Variants in CADPS2 observed in about 807,000 individuals in gnomAD.
The protein encoded by CADPS2 is calcium-dependent secretion activator 2.
A neutral mutation model predicts 172.5 loss-of-function variants in CADPS2; 93 were observed. The observed-to-expected ratio is 0.54, with a 90% CI of 0.46 to 0.64. The LOEUF is 0.64. Ranked by LOEUF, CADPS2 falls within the 30% of genes least tolerant of loss-of-function variation. The pLI, the probability that CADPS2 is intolerant of heterozygous loss-of-function variation, is 0.00. For missense variants in CADPS2, 1,420 were observed against 1,565.9 expected (o/e 0.91, Z 1.57); for synonymous variants, 546 against 555.2 (o/e 0.98, Z 0.23).
At chr7:122,705,123 T>G (rs2086785194) in intron 2 of CADPS2, among the ~76,000 whole-genome samples, 1 of 151,920 alleles carries the variant, frequency 6.6e-6, no homozygotes, top group Admixed American at 6.6e-5. Context: ...GCAACTTAAT[T>G]TCTCTAGTTT....
intron 3 of CADPS2, among the ~76,000 whole-genome samples, chr7:122,656,307 A>C (rs56326447): frequency 0.2 from 30,968 of 152,058 alleles, 3,920 homozygotes; most frequent in Middle Eastern, 0.3. Context: ...AATCTCCCAG[A>C]TCCTTCTCTC....
At chr7:122,473,389 T>C (rs1018829451) in intron 13 of CADPS2, among the ~76,000 whole-genome samples, 1 of 152,172 alleles carries the variant, frequency 6.6e-6, no homozygotes, top group Non-Finnish European at 1.5e-5. Context: ...GATTCAAGAA[T>C]TCATGAATTA....
intron 2 of CADPS2, among the ~76,000 whole-genome samples, chr7:122,683,385 C>A (rs1319825010): frequency 1.3e-5 from 2 of 152,096 alleles, no homozygotes; most frequent in Non-Finnish European, 2.9e-5. Flanking sequence ...GGTGGGAAAA[C>A]CAAGAAAAAC....
At chr7:122,740,658 C>G (rs952164047) in intron 1 of CADPS2, among the ~76,000 whole-genome samples, 3 of 151,868 alleles carry the variant, frequency 2.0e-5, no homozygotes, top group Admixed American at 6.6e-5. Flanking sequence ...ATTAAAAATA[C>G]TGAAATGTCA....
At chr7:122,361,051 A>G in intron 25 of CADPS2, 38 bp from the exon 26 acceptor site, 1 of 1,518,404 alleles carries the variant, frequency 6.6e-7, no homozygotes, top group Non-Finnish European at 9.1e-7. Context: ...GAATGTTACT[A>G]TGCATACAAA....
intron 2 of CADPS2, among the ~76,000 whole-genome samples, chr7:122,665,575 G>A (rs1297235408): frequency 6.6e-6 from 1 of 152,118 alleles, no homozygotes. Context: ...GCCTGCAGTT[G>A]GGCAAAATCA....
intron 14 of CADPS2, among the ~76,000 whole-genome samples, chr7:122,452,685 C>T (rs958496512): frequency 3.9e-5 from 6 of 152,124 alleles, no homozygotes; most frequent in Admixed American, 2.0e-4. Flanking sequence ...GGTGAGCCAC[C>T]GTGCCCAGCT....
chr7:122,700,676 A>G (rs2136244270), intron 2 of CADPS2, among the ~76,000 whole-genome samples: 1 of 152,308 alleles, frequency 6.6e-6, no homozygotes, highest in East Asian at 1.9e-4. Context: ...AGGCAATTGA[A>G]CAAAATTTTA....
At chr7:122,774,060 TAA>T (rs1259302244) in intron 1 of CADPS2, among the ~76,000 whole-genome samples, 1 of 152,018 alleles carries the variant, frequency 6.6e-6, no homozygotes, top group Non-Finnish European at 1.5e-5. Context: ...TCAGAGACAC[TAA>T]AGTCTTGCAA....
At chr7:122,482,781 G>A (rs1374561873) in intron 11 of CADPS2, among the ~76,000 whole-genome samples, 1 of 152,092 alleles carries the variant, frequency 6.6e-6, no homozygotes, top group African/African-American at 2.4e-5. Flanking sequence ...AAGGGTGATA[G>A]TAACTAGAGT....
chr7:122,820,616 G>A lies in CADPS2; in HGVS notation c.339+65383C>T, dbSNP rs1420203179. Among the ~76,000 whole-genome samples, 13 of 119,476 alleles carry A rather than the reference G, an allele frequency of 1.1e-4. 1 individual carries two copies. The highest frequency in any genetic ancestry group is 3.7e-4 in the African/African-American group (11 of 29,830). 78.4% of individuals were successfully genotyped at this position (119,476 alleles called of 152,430 possible). ...GCTCTGTCGCCCAGGCTGGAGTGCA[G>A]TGGCGCGATCTCGGCTCACTGCAAG... On this transcript the variant is annotated intron_variant, in intron 1 of 29. Transcript: ENST00000449022.
At chr7:122,876,213 G>C (rs1821166414) in intron 1 of CADPS2, among the ~76,000 whole-genome samples, 1 of 152,088 alleles carries the variant, frequency 6.6e-6, no homozygotes. Context: ...CCAGCTACTT[G>C]GGAGGCTGAG....
chr7:122,871,805 C>T (rs1392898219), intron 1 of CADPS2, among the ~76,000 whole-genome samples: 1 of 152,112 alleles, frequency 6.6e-6, no homozygotes, highest in Non-Finnish European at 1.5e-5. Context: ...GTTTCTGTGA[C>T]ATGGACCATC....
At chr7:122,341,100 A>C (rs1194196908) in intron 28 of CADPS2, among the ~76,000 whole-genome samples, 2 of 152,240 alleles carry the variant, frequency 1.3e-5, no homozygotes, top group Non-Finnish European at 2.9e-5. Context: ...GGTCAGCTGG[A>C]AACACTGAGT....
At chr7:122,631,845 T>A (rs1431364253) in intron 3 of CADPS2, among the ~76,000 whole-genome samples, 1 of 152,130 alleles carries the variant, frequency 6.6e-6, no homozygotes, top group Non-Finnish European at 1.5e-5. Context: ...TCAGCCCACA[T>A]TTCCCTTGGT....
At chr7:122,611,223 A>G (rs1275272181) in intron 6 of CADPS2, among the ~76,000 whole-genome samples, 3 of 152,272 alleles carry the variant, frequency 2.0e-5, no homozygotes, top group Middle Eastern at 3.4e-3. Context: ...AAGATAAAAT[A>G]GAGAACAGAA....
intron 3 of CADPS2, among the ~76,000 whole-genome samples, chr7:122,633,059 CT>C (rs1174293890): frequency 2.0e-5 from 3 of 152,020 alleles, no homozygotes; most frequent in African/African-American, 7.2e-5. Flanking sequence ...GTCTATGTGT[CT>C]GTGTTTGTAC....
chr7:122,595,584 C>A (rs545157809), intron 6 of CADPS2, among the ~76,000 whole-genome samples: 15 of 152,170 alleles, frequency 9.9e-5, no homozygotes, highest in African/African-American at 3.6e-4. Flanking sequence ...TGTATCAGAG[C>A]AGTAACGTGG....
In CADPS2 at chr7:122,320,242, C is replaced by T. The variant is rs74744590; in HGVS notation, c.3814G>A (p.Ala1272Thr). ...CCTCCTTCTGAAACAGAGGCTGTGG[C>T]CTCCTCTACTGTTAAACGTCTGTGC... ...TVHRRLTVEE[A>T]TASVSEGGGL... is the part of the protein sequence containing the mutation. The change falls in exon 30 of 30, where the codon GCC becomes ACC. Residue 1272 changes from alanine to threonine, a missense_variant. Physicochemically the swap from Ala to Thr is moderately conservative, Grantham distance 58. Coordinates refer to ENST00000449022, the MANE Select transcript of CADPS2 (RefSeq NM_017954.11). 4.3e-6 allele frequency: 7 copies of T among 1,613,404 alleles called. No homozygotes were observed. Among genetic ancestry groups the T allele is most frequent in the Admixed American group, 1.7e-5 (1 of 59,956 alleles).
Sources: allele counts gnomAD v4.1 joint callset (sites outside exome capture counted in the v4.1 genomes callset), GRCh38; gene constraint gnomAD v4.1.1; transcripts MANE v1.5; gene names NCBI Gene and HGNC (gene_info 2026-07-23, HGNC 2026-07-21).